The following GRID2 variants were observed in gnomAD, a reference collection of about 807,000 sequenced individuals.
GRID2 encodes the protein glutamate ionotropic receptor delta type subunit 2, also known as glutamate receptor ionotropic, delta-2.
GRID2 carries 33 observed loss-of-function variants against 114.8 expected under a neutral mutation model. The ratio of observed to expected loss-of-function variants is 0.29; its 90% confidence interval spans 0.22 to 0.38. The LOEUF (loss-of-function observed/expected upper bound fraction) is 0.38, where lower values mean the gene tolerates loss of function less well. GRID2 is among the 10% of genes least tolerant of loss of function. GRID2 has a pLI of 1.00. For missense variants in GRID2, 1,184 were observed against 1,257.7 expected, an observed-to-expected ratio of 0.94 and a Z score of 0.89; for synonymous variants, 505 against 449.9, an observed-to-expected ratio of 1.12 and a Z score of -1.55.
chr4:93,177,292 A>G (rs1312303988), intron 4 of GRID2, among the ~76,000 whole-genome samples: 1 of 152,148 alleles, frequency 6.6e-6, no homozygotes, highest in Admixed American at 6.5e-5. Context: ...AAGTAAAGAG[A>G]CAAACTAGAA....
chr4:93,130,548 A>G (rs1326337558), intron 4 of GRID2, among the ~76,000 whole-genome samples: 4 of 152,218 alleles, frequency 2.6e-5, no homozygotes, highest in African/African-American at 4.8e-5. Context: ...AACTAAGGAA[A>G]AAAAAGAAAA....
chr4:93,011,915 A>G (rs1465800015), intron 2 of GRID2, among the ~76,000 whole-genome samples: 1 of 151,958 alleles, frequency 6.6e-6, no homozygotes, highest in African/African-American at 2.4e-5. Flanking sequence ...CGGTTTTATA[A>G]TGTACAATGA....
chr4:92,335,677 G>T (rs536071200), intron 1 of GRID2, among the ~76,000 whole-genome samples: 9 of 152,120 alleles, frequency 5.9e-5, no homozygotes, highest in Admixed American at 1.3e-4. Context: ...GTATTTTAAA[G>T]GGTATACCAT....
At chr4:93,162,314 A>C (rs1444412332) in intron 4 of GRID2, among the ~76,000 whole-genome samples, 2 of 152,032 alleles carry the variant, frequency 1.3e-5, no homozygotes, top group Non-Finnish European at 2.9e-5. Context: ...TTATTGAAGA[A>C]TTAACGCTGA....
Position 93,434,649 on chromosome 4 carries a change from G to A in GRID2, c.1545+11681G>A, listed in dbSNP as rs1290702861. On this transcript the variant is annotated intron_variant, in intron 10 of 15. Coordinates refer to ENST00000282020, the MANE Select transcript of GRID2 (RefSeq NM_001510.4). The stretch of plus-strand genomic sequence containing the variant: ...ATTATCTCTTCTCTGGATTGTAGCC[G>A]TAGAGGTCCAATTACTCTCCCTTTC... Among the ~76,000 whole-genome samples the A allele has an allele frequency of 2.0e-5, 3 of 152,076 alleles. No individual in the cohort carries two copies. The East Asian group carries it at 5.8e-4, about 29-fold the overall frequency.
At chr4:93,407,757 GTCCTCCTCCTCCTCCTCCTCA>G (rs1560588570) in intron 9 of GRID2, among the ~76,000 whole-genome samples, 1 of 21,856 alleles carries the variant, frequency 4.6e-5, no homozygotes, top group Non-Finnish European at 9.3e-5. Flanking sequence ...CCTCCTCCTC[GTCCTCCTCCTCCTCCTCCTCA>G]TCCTCCTCGT....
intron 2 of GRID2, among the ~76,000 whole-genome samples, chr4:93,022,900 C>T (rs1321159766): frequency 3.3e-5 from 5 of 151,888 alleles, no homozygotes; most frequent in Admixed American, 1.3e-4. Context: ...TCACTTGTGT[C>T]GTTTTTCAAT....
chr4:93,655,975 A>C (rs1722956635), intron 14 of GRID2, among the ~76,000 whole-genome samples: 1 of 152,054 alleles, frequency 6.6e-6, no homozygotes, highest in Admixed American at 6.5e-5. Flanking sequence ...TATTAAAAGC[A>C]ATACCTTGTT....
chr4:93,149,624 A>G (rs1736565314), intron 4 of GRID2, among the ~76,000 whole-genome samples: 1 of 151,832 alleles, frequency 6.6e-6, no homozygotes, highest in Admixed American at 6.6e-5. Flanking sequence ...GCTTCAAGAA[A>G]AGCTTTTATT....
intron 1 of GRID2, among the ~76,000 whole-genome samples, chr4:92,342,558 C>T (rs868611055): frequency 1.3e-5 from 2 of 152,160 alleles, no homozygotes; most frequent in Non-Finnish European, 2.9e-5. Flanking sequence ...AAGATTTACT[C>T]ATAACCTATA....
intron 2 of GRID2, among the ~76,000 whole-genome samples, chr4:92,702,139 T>A (rs534389346): frequency 6.6e-6 from 1 of 152,258 alleles, no homozygotes; most frequent in South Asian, 2.1e-4. Context: ...AGTTTCTATC[T>A]ATTTTATTTT....
At chr4:93,183,713 C>G (rs1740124647) in intron 4 of GRID2, among the ~76,000 whole-genome samples, 1 of 152,186 alleles carries the variant, frequency 6.6e-6, no homozygotes, top group Admixed American at 6.5e-5. Context: ...CTCATACCAT[C>G]ATGTGCCAGG....
In GRID2 at chr4:92,700,585, A is replaced by G. The variant is rs199773015; in HGVS notation, c.244+110299A>G. 3.9e-5 allele frequency among the ~76,000 whole-genome samples: 6 copies of G among 152,322 alleles called. No individual in the cohort carries two copies. The East Asian group carries it at 1.2e-3, about 29-fold the overall frequency. On this transcript the variant is annotated intron_variant, in intron 2 of 15. Coordinates refer to ENST00000282020, the MANE Select transcript of GRID2 (RefSeq NM_001510.4). ...ATTCATTAATTTACTCAAAATGAGT[A>G]AGCACCTACTAGGTACAAATATGGA...
intron 2 of GRID2, among the ~76,000 whole-genome samples, chr4:93,001,349 A>T (rs1314789173): frequency 1.3e-5 from 2 of 151,686 alleles, no homozygotes; most frequent in African/African-American, 2.4e-5. Context: ...TGATGATTAT[A>T]TAAGCTTATG....
chr4:92,971,885 A>G (rs940243458), intron 2 of GRID2, among the ~76,000 whole-genome samples: 1 of 152,122 alleles, frequency 6.6e-6, no homozygotes, highest in Non-Finnish European at 1.5e-5. Context: ...TTTTTCAGGC[A>G]GAATAGTATT....
chr4:93,780,590 G>A (rs116369603), intron 1 of GRID2, among the ~76,000 whole-genome samples: 9,526 of 152,262 alleles, frequency 0.063, 319 homozygotes, highest in Admixed American at 0.075. Flanking sequence ...CATAACTGCC[G>A]ACACCTTCCC....
At chr4:92,736,334 C>A (rs960735157) in intron 2 of GRID2, among the ~76,000 whole-genome samples, 1 of 151,946 alleles carries the variant, frequency 6.6e-6, no homozygotes, top group African/African-American at 2.4e-5. Flanking sequence ...AAATACAGCC[C>A]TAAAGACATT....
At chr4:92,691,529 T>TTGAAC (rs1376082995) in intron 2 of GRID2, among the ~76,000 whole-genome samples, 1 of 152,172 alleles carries the variant, frequency 6.6e-6, no homozygotes, top group African/African-American at 2.4e-5. Flanking sequence ...CTAAGTGGTT[T>TTGAAC]TGCTCATTGT....
chr4:93,320,163 T>C (rs1306812859), intron 8 of GRID2, among the ~76,000 whole-genome samples: 1 of 152,048 alleles, frequency 6.6e-6, no homozygotes, highest in Non-Finnish European at 1.5e-5. Flanking sequence ...CTTAAATCAA[T>C]TGTTAGAAGA....
Sources: allele counts gnomAD v4.1 joint callset (sites outside exome capture counted in the v4.1 genomes callset), GRCh38; gene constraint gnomAD v4.1.1; transcripts MANE v1.5; gene names NCBI Gene and HGNC (gene_info 2026-07-23, HGNC 2026-07-21).